KIF20B: variants seen among roughly 807,000 people sequenced by gnomAD.
The protein encoded by KIF20B is kinesin-like protein KIF20B.
Under a neutral mutation model 232.5 loss-of-function variants are expected in KIF20B, and 188 were observed. That is an observed-to-expected ratio of 0.81 (90% CI 0.72 to 0.91). The LOEUF (loss-of-function observed/expected upper bound fraction) is 0.91. Among genes scored for constraint, KIF20B ranks in the 40% least tolerant of loss-of-function variants. The pLI, the probability that KIF20B is intolerant of heterozygous loss-of-function variation, is 0.00. For missense variants in KIF20B, 2,154 were observed against 2,055.9 expected (o/e 1.05, Z -0.92); for synonymous variants, 712 against 683.0 (o/e 1.04, Z -0.66).
At chr10:89,717,790 T>C in intron 11 of KIF20B, 68 bp downstream of exon 11, 1 of 1,101,648 alleles carries the variant, frequency 9.1e-7, no homozygotes, top group Non-Finnish European at 1.3e-6. Flanking sequence ...ACTTTTTTGT[T>C]TTTAGAAAGT....
At chr10:89,714,019 T>A in intron 6 of KIF20B, 28 bp from the exon 7 acceptor site, 1 of 1,195,050 alleles carries the variant, frequency 8.4e-7, no homozygotes, top group East Asian at 2.7e-5. Context: ...AATGTTTTTT[T>A]AATTTTTTAA....
chr10:89,714,161 A>G, intron 7 of KIF20B, 78 bp downstream of exon 7: 1 of 801,812 alleles, frequency 1.2e-6, no homozygotes, highest in Non-Finnish European at 1.9e-6. Context: ...TTTTTAAATC[A>G]CTTCTAATGT....
At position 89,772,686 on chromosome 10, in the gene KIF20B, T is replaced by C; in HGVS notation, c.5243-3T>C. ...GGAACTAATTAACAATTTTATTTTA[T>C]AGCAAAGAAGATAATTGAAACAATG... On this transcript the variant is annotated splice_region_variant and splice_polypyrimidine_tract_variant and intron_variant, in intron 31 of 32. Coordinates refer to ENST00000371728, the MANE Select transcript of KIF20B (RefSeq NM_001284259.2). 6.5e-7 allele frequency: 1 copy of C among 1,541,872 alleles called. No homozygotes were observed. The highest frequency in any genetic ancestry group is 8.8e-7 in the Non-Finnish European group (1 of 1,136,570).
At chr10:89,733,831 G>A (rs1022821601) in intron 19 of KIF20B, among the ~76,000 whole-genome samples, 1 of 152,102 alleles carries the variant, frequency 6.6e-6, no homozygotes, top group South Asian at 2.1e-4. Context: ...CTGTATTGAA[G>A]AAAAGAGATC....
In KIF20B at chr10:89,743,057, C is replaced by T. The variant is rs189627759; in HGVS notation, c.3916-751C>T. 2.2e-4 allele frequency among the ~76,000 whole-genome samples: 33 copies of T among 152,144 alleles called. No homozygotes were observed. The East Asian group carries it at 5.2e-3, about 24-fold the overall frequency. ...TTTAATTTCCTTCCGTTTTTGAGCTCTCTAGCGAGTGTGAAAATGGAGTTT... is the reference window on the plus strand; with the variant it reads ...TTTAATTTCCTTCCGTTTTTGAGCTTTCTAGCGAGTGTGAAAATGGAGTTT... On this transcript the variant is annotated intron_variant, in intron 21 of 32. Coordinates refer to ENST00000371728, the MANE Select transcript of KIF20B (RefSeq NM_001284259.2).
rs1326215080 is a variant in KIF20B at position 89,717,416 on chromosome 10, T to G, written c.1053-8T>G. The G allele has an allele frequency of 1.3e-6, 2 of 1,517,820 alleles. No individual in the cohort carries two copies. Among genetic ancestry groups the G allele is most frequent in the Non-Finnish European group, 1.8e-6 (2 of 1,102,374 alleles). 94.0% of individuals were successfully genotyped at this position (1,517,820 alleles called of 1,614,324 possible). ...ATGATAAGATAACATTTGATCTTTG[T>G]ATTTCAGTCACAGCATATTCACTGT... On this transcript the variant is annotated splice_polypyrimidine_tract_variant and splice_region_variant and intron_variant, in intron 9 of 32. Coordinates refer to ENST00000371728, the MANE Select transcript of KIF20B (RefSeq NM_001284259.2).
At chr10:89,712,085 A>G (rs1489485373) in intron 6 of KIF20B, among the ~76,000 whole-genome samples, 2 of 151,586 alleles carry the variant, frequency 1.3e-5, no homozygotes, top group African/African-American at 4.9e-5. Flanking sequence ...GAATTGTCAC[A>G]TGTTCTTTGT....
At chr10:89,727,284 C>T (rs781029443) in intron 16 of KIF20B, among the ~76,000 whole-genome samples, 1 of 148,088 alleles carries the variant, frequency 6.8e-6, no homozygotes, top group African/African-American at 2.5e-5. Flanking sequence ...GACAGGGTCT[C>T]ACTCTGTCAC....
At chr10:89,719,388 G>C in intron 12 of KIF20B, 31 bp from the exon 13 acceptor site, 1 of 1,465,550 alleles carries the variant, frequency 6.8e-7, no homozygotes, top group Non-Finnish European at 9.2e-7. Flanking sequence ...TGTCTTTTCT[G>C]TTTTAAAAGT....
chr10:89,719,835 G>T, intron 13 of KIF20B, 129 bp downstream of exon 13: 3 of 694,658 alleles, frequency 4.3e-6, no homozygotes, highest in East Asian at 2.8e-5. Flanking sequence ...TTTATATTTT[G>T]AAAAATTTCA....
chr10:89,709,647 T>A (rs1186390859), intron 4 of KIF20B, among the ~76,000 whole-genome samples, 186 bp downstream of exon 4: 1 of 151,426 alleles, frequency 6.6e-6, no homozygotes, highest in Non-Finnish European at 1.5e-5. Context: ...TGTAGTGTTA[T>A]TAAAGTTATT....
chr10:89,712,826 A>G (rs1842861266), intron 6 of KIF20B, among the ~76,000 whole-genome samples: 1 of 152,200 alleles, frequency 6.6e-6, no homozygotes, highest in Admixed American at 6.5e-5. Context: ...CAAGGCTGTT[A>G]AAAACTACTA....
At chr10:89,761,638 T>C (rs1842244121) in intron 28 of KIF20B, among the ~76,000 whole-genome samples, 1 of 152,088 alleles carries the variant, frequency 6.6e-6, no homozygotes, top group Admixed American at 6.6e-5. Flanking sequence ...TCTGGGAAAA[T>C]AACATGAGCC....
In KIF20B at chr10:89,738,330, A is replaced by G; in HGVS notation, c.3489A>G (p.Ile1163Met). The change falls in exon 20 of 33, where the codon ATA (isoleucine) becomes ATG (methionine). Residue 1163 changes from isoleucine (I) to methionine (M), a missense_variant. Transcript: ENST00000371728. ...GTGTTACTTGCTATAAGGCAAAAAT[A>G]AAGGAACTTGAAACAATTTTAGAGA... ...TQGVTCYKAK[I>M]KELETILETQ... 1 of 1,611,556 alleles carries G rather than the reference A, an allele frequency of 6.2e-7. No individual in the cohort carries two copies. The highest frequency in any genetic ancestry group is 8.5e-7 in the Non-Finnish European group (1 of 1,179,190).
At position 89,725,029 on chromosome 10, in the gene KIF20B, G is replaced by C; in HGVS notation, c.1872G>C (p.Leu624=). 6.2e-7 allele frequency: 1 copy of C among 1,613,266 alleles called. No individual in the cohort carries two copies. Among genetic ancestry groups the C allele is most frequent in the Non-Finnish European group, 8.5e-7 (1 of 1,179,560 alleles). ...AATTTGTATTTTGAAGGGAGACTCTGCTTCAAGAACGAGAGATATTAGAAG... is the reference window on the plus strand; with the variant it reads ...AATTTGTATTTTGAAGGGAGACTCTCCTTCAAGAACGAGAGATATTAGAAG... The part of the protein sequence containing the change: ...AQREADFKET[L]LQEREILEEN... The change falls in exon 15 of 33, where the codon CTG becomes CTC. Residue 624 remains leucine, a synonymous_variant. Transcript: ENST00000371728.
At position 89,752,680 on chromosome 10, in the gene KIF20B, G is replaced by T; in HGVS notation, c.4336G>T (p.Asp1446Tyr). 2 of 1,573,422 alleles carry T rather than the reference G, an allele frequency of 1.3e-6. No homozygotes were observed. The highest frequency in any genetic ancestry group is 1.7e-6 in the Non-Finnish European group (2 of 1,161,402). Residue 1446 changes from aspartate (D) to tyrosine (Y), a missense_variant, in exon 25 of 33, where the codon GAT becomes TAT. Physicochemically the swap from Asp to Tyr is radical, Grantham distance 160 (BLOSUM62 -3). Coordinates refer to ENST00000371728, the MANE Select transcript of KIF20B (RefSeq NM_001284259.2). ...DVLGKLTNLQDELQESEQKYN... is the reference protein window; with the variant it reads ...DVLGKLTNLQYELQESEQKYN... ...GCTTGGAAAGCTCACTAATCTTCAA[G>T]ATGAGTTACAGGTATGACTTTATGT... is the stretch of plus-strand genomic sequence containing the variant.
chr10:89,718,223 A>C (rs1167803989), intron 11 of KIF20B, among the ~76,000 whole-genome samples: 1 of 146,298 alleles, frequency 6.8e-6, no homozygotes, highest in Non-Finnish European at 1.6e-5. Flanking sequence ...GTTAGTAAGT[A>C]GCAGCAGTTA....
intron 26 of KIF20B, among the ~76,000 whole-genome samples, chr10:89,758,133 C>G (rs972939979): frequency 6.6e-6 from 1 of 151,970 alleles, no homozygotes; most frequent in Non-Finnish European, 1.5e-5. Flanking sequence ...CACACATTCA[C>G]ACATACCTGA....
intron 29 of KIF20B, 110 bp downstream of exon 29, chr10:89,762,945 G>A: frequency 1.3e-6 from 1 of 761,642 alleles, no homozygotes. Context: ...ACTGCTGTTA[G>A]AGACCAAAAT....
Sources: gnomAD v4.1 joint callset for allele counts (sites outside exome capture counted in the v4.1 genomes callset) on GRCh38, gnomAD v4.1.1 for gene constraint, MANE v1.5 for transcripts, NCBI Gene and HGNC (gene_info 2026-07-23, HGNC 2026-07-21) for gene names.